Variants in GULP1 observed in about 807,000 individuals in gnomAD.
GULP1 encodes GULP PTB domain containing engulfment adaptor 1.
In GULP1, 19 loss-of-function variants were observed where a neutral mutation model predicts 40.9. The ratio of observed to expected loss-of-function variants is 0.46; its 90% CI spans 0.32 to 0.68. The LOEUF is 0.68. Ranked by LOEUF, GULP1 falls within the 30% of genes least tolerant of loss-of-function variation. The pLI, the probability that GULP1 is intolerant of heterozygous loss-of-function variation, is 0.03. For missense variants in GULP1, 312 were observed against 362.2 expected (o/e 0.86, Z 1.12); for synonymous variants, 119 against 117.6 (o/e 1.01, Z -0.08).
intron 2 of GULP1, among the ~76,000 whole-genome samples, chr2:188,408,231 C>T (rs2053391754): frequency 6.6e-6 from 1 of 152,120 alleles, no homozygotes; most frequent in Non-Finnish European, 1.5e-5. Flanking sequence ...CAGGAAGGCC[C>T]TCACCAGATG....
chr2:188,586,815 CAG>C (rs1227085046), intron 10 of GULP1, among the ~76,000 whole-genome samples: 1 of 152,006 alleles, frequency 6.6e-6, no homozygotes, highest in Non-Finnish European at 1.5e-5. Context: ...ATGAGAATCA[CAG>C]AGTGATTTTA....
intron 9 of GULP1, among the ~76,000 whole-genome samples, chr2:188,578,705 C>T (rs1191810050): frequency 1.3e-5 from 2 of 152,004 alleles, no homozygotes; most frequent in Non-Finnish European, 2.9e-5. Flanking sequence ...TGTGCATGTT[C>T]CTAAAGACCA....
Position 188,316,804 on chromosome 2 carries a change from T to C in GULP1, c.-172+24638T>C, listed in dbSNP as rs557389960. Among the ~76,000 whole-genome samples, 72 of 152,256 alleles carry C rather than the reference T, an allele frequency of 4.7e-4. 1 individual carries two copies. Among genetic ancestry groups the C allele is most frequent in the Admixed American group, 3.7e-3 (57 of 15,274 alleles). On this transcript the variant is annotated intron_variant, in intron 1 of 11. Coordinates refer to ENST00000409830, the MANE Select transcript of GULP1 (RefSeq NM_016315.4). The stretch of plus-strand genomic sequence containing the variant: ...TACAAGAGTAGAATCCCCATAAAAG[T>C]AGAGATTGCTGTGCATTTGTTTATA...
At chr2:188,469,252 A>G (rs2060385729) in intron 2 of GULP1, among the ~76,000 whole-genome samples, 1 of 152,204 alleles carries the variant, frequency 6.6e-6, no homozygotes, top group Admixed American at 6.5e-5. Context: ...TGGCCTTGTC[A>G]TAGGGACACA....
At chr2:188,386,033 T>C (rs2152520891) in intron 2 of GULP1, among the ~76,000 whole-genome samples, 1 of 152,322 alleles carries the variant, frequency 6.6e-6, no homozygotes, top group East Asian at 1.9e-4. Flanking sequence ...TTAGGTATCT[T>C]TTCAGCAGCA....
chr2:188,444,794 C>T (rs1027432452), intron 2 of GULP1, among the ~76,000 whole-genome samples: 2 of 152,146 alleles, frequency 1.3e-5, no homozygotes, highest in African/African-American at 4.8e-5. Context: ...TCAGCAAATT[C>T]TCTCCATGTT....
chr2:188,400,965 G>A (rs527445414), intron 2 of GULP1, among the ~76,000 whole-genome samples: 16 of 135,804 alleles, frequency 1.2e-4, no homozygotes, highest in Non-Finnish European at 2.6e-4. Context: ...GTGTGTGTGT[G>A]TAAGAGAGGG....
At chr2:188,463,988 T>C (rs1381402414) in intron 2 of GULP1, among the ~76,000 whole-genome samples, 1 of 152,238 alleles carries the variant, frequency 6.6e-6, no homozygotes, top group Non-Finnish European at 1.5e-5. Flanking sequence ...AGGTCACATA[T>C]CTCTGTTTCT....
intron 2 of GULP1, among the ~76,000 whole-genome samples, chr2:188,474,581 C>A (rs1403671000): frequency 2.0e-5 from 3 of 152,144 alleles, no homozygotes; most frequent in African/African-American, 7.2e-5. Context: ...CAGAAATGCT[C>A]CTGCTGAGGG....
intron 4 of GULP1, among the ~76,000 whole-genome samples, chr2:188,494,549 C>T (rs1045374042): frequency 6.6e-6 from 1 of 151,950 alleles, no homozygotes; most frequent in Non-Finnish European, 1.5e-5. Flanking sequence ...TGCTATAGGC[C>T]ACCGTCATCT....
At chr2:188,411,430 A>T (rs964377841) in intron 2 of GULP1, among the ~76,000 whole-genome samples, 1 of 152,148 alleles carries the variant, frequency 6.6e-6, no homozygotes, top group African/African-American at 2.4e-5. Context: ...TGCTGAGCCC[A>T]TGCCTAACCT....
chr2:188,393,147 G>A (rs1471554770), intron 2 of GULP1, among the ~76,000 whole-genome samples: 1 of 151,208 alleles, frequency 6.6e-6, no homozygotes, highest in Non-Finnish European at 1.5e-5. Flanking sequence ...TTTCTGTCTT[G>A]ATGATTTATC....
intron 2 of GULP1, among the ~76,000 whole-genome samples, chr2:188,388,734 A>T (rs2050124073): frequency 6.6e-6 from 1 of 152,180 alleles, no homozygotes; most frequent in African/African-American, 2.4e-5. Context: ...AAATAAAACG[A>T]TGAAGACATA....
intron 4 of GULP1, among the ~76,000 whole-genome samples, chr2:188,487,858 G>T (rs1575558748): frequency 6.6e-6 from 1 of 151,902 alleles, no homozygotes; most frequent in African/African-American, 2.4e-5. Flanking sequence ...AGGCTTGCTG[G>T]CCCAGTGAGT....
chr2:188,485,474 G>A (rs1395068733), intron 4 of GULP1, among the ~76,000 whole-genome samples: 3 of 151,822 alleles, frequency 2.0e-5, no homozygotes, highest in African/African-American at 7.3e-5. Context: ...GTTTTTTTCT[G>A]AAGTCCTTTG....
chr2:188,442,818 A>T (rs1201077828), intron 2 of GULP1, among the ~76,000 whole-genome samples: 1 of 152,200 alleles, frequency 6.6e-6, no homozygotes, highest in Non-Finnish European at 1.5e-5. Flanking sequence ...TAATGGCGCT[A>T]TAAAATTCAT....
chr2:188,588,043 A>T (rs895895578), intron 11 of GULP1, 94 bp downstream of exon 11: 1 of 771,510 alleles, frequency 1.3e-6, no homozygotes, highest in Non-Finnish European at 2.4e-6. Context: ...GTTTCCTTCA[A>T]TTATTTTCGC....
At chr2:188,556,036 T>C (rs1304264566) in intron 7 of GULP1, among the ~76,000 whole-genome samples, 1 of 148,092 alleles carries the variant, frequency 6.8e-6, no homozygotes, top group African/African-American at 2.5e-5. Flanking sequence ...CCATCCTGGG[T>C]GACAGAGTGA....
At chr2:188,299,001 A>G (rs928375645) in intron 1 of GULP1, among the ~76,000 whole-genome samples, 1 of 152,152 alleles carries the variant, frequency 6.6e-6, no homozygotes, top group African/African-American at 2.4e-5. Context: ...GCTAGTCCCT[A>G]CTGCTTGTTT....
Sources: allele counts gnomAD v4.1 joint callset (sites outside exome capture counted in the v4.1 genomes callset), GRCh38; gene constraint gnomAD v4.1.1; transcripts MANE v1.5; gene names NCBI Gene and HGNC (gene_info 2026-07-23, HGNC 2026-07-21).